AGTPBP1: variants seen among roughly 807,000 people sequenced by gnomAD.
The protein encoded by AGTPBP1 is ATP/GTP binding carboxypeptidase 1.
AGTPBP1 carries 70 observed loss-of-function variants against 143.9 expected under a neutral mutation model. The ratio of observed to expected loss-of-function variants is 0.49; its 90% CI spans 0.40 to 0.59. AGTPBP1 has a LOEUF of 0.59. Ranked by LOEUF, AGTPBP1 falls within the 20% of genes least tolerant of loss-of-function variation. AGTPBP1 has a pLI of 0.00. For synonymous variants in AGTPBP1, 463 were observed against 500.2 expected (o/e 0.93, Z 0.99); for missense variants, 1,229 against 1,464.5 (o/e 0.84, Z 2.62).
chr9:85,713,070 T>C (rs1373476933), intron 1 of AGTPBP1, among the ~76,000 whole-genome samples: 1 of 152,256 alleles, frequency 6.6e-6, no homozygotes, highest in Non-Finnish European at 1.5e-5. Context: ...AGACATTATA[T>C]ATGTTTAAAC....
chr9:85,758,220 G>A, the AGTPBP1 span, among the ~76,000 whole-genome samples: 12 of 152,106 alleles, frequency 7.9e-5, no homozygotes, highest in African/African-American at 2.9e-4. Flanking sequence ...TAAACTCAGA[G>A]ACATTAGAGA....
At chr9:85,738,156 C>T (rs1413397266) in intron 1 of AGTPBP1, among the ~76,000 whole-genome samples, 1 of 151,980 alleles carries the variant, frequency 6.6e-6, no homozygotes, top group Non-Finnish European at 1.5e-5. Context: ...TTATATTTCC[C>T]TTTTCATTTA....
At chr9:85,561,805 A>G (rs553053304) in intron 25 of AGTPBP1, among the ~76,000 whole-genome samples, 1 of 150,840 alleles carries the variant, frequency 6.6e-6, no homozygotes, top group South Asian at 2.1e-4. Context: ...AGAATCCTGT[A>G]TTGTCCAAAA....
intron 10 of AGTPBP1, among the ~76,000 whole-genome samples, chr9:85,655,818 G>A (rs1487991524): frequency 1.3e-5 from 2 of 151,672 alleles, no homozygotes; most frequent in Non-Finnish European, 3.0e-5. Flanking sequence ...CAATATAAAG[G>A]TTTTTTTGTT....
At chr9:85,733,161 C>A (rs1431880609) in intron 1 of AGTPBP1, among the ~76,000 whole-genome samples, 1 of 152,112 alleles carries the variant, frequency 6.6e-6, no homozygotes, top group Non-Finnish European at 1.5e-5. Context: ...ACAAGGTACT[C>A]AACAACAGAA....
the AGTPBP1 span, chr9:85,781,460 G>C: frequency 6.3e-5 from 83 of 1,314,576 alleles, no homozygotes; most frequent in Non-Finnish European, 7.4e-5. Context: ...CAATTGATTG[G>C]GTTATTTAGG....
chr9:85,684,387 A>G (rs1290375867), intron 3 of AGTPBP1, among the ~76,000 whole-genome samples: 2 of 152,140 alleles, frequency 1.3e-5, no homozygotes, highest in Non-Finnish European at 2.9e-5. Context: ...CCTTTCACCT[A>G]TGTTCTGAAT....
upstream of AGTPBP1, among the ~76,000 whole-genome samples, chr9:85,744,622 T>C (rs551655934): frequency 5.3e-5 from 8 of 152,306 alleles, no homozygotes; most frequent in East Asian, 1.5e-3. Flanking sequence ...CACAGTTGAA[T>C]GCAGGGGCTT....
intron 13 of AGTPBP1, among the ~76,000 whole-genome samples, chr9:85,638,105 C>T (rs760075138): frequency 1.7e-4 from 25 of 144,916 alleles, no homozygotes; most frequent in African/African-American, 6.5e-4. Flanking sequence ...TACTGCTTTG[C>T]TTTTTATGTT....
At chr9:85,770,474 T>C in the AGTPBP1 span, 5 of 1,558,682 alleles carry the variant, frequency 3.2e-6, no homozygotes, top group Middle Eastern at 3.3e-4. Flanking sequence ...GCTATTCTTT[T>C]CAGATATTTC....
At chr9:85,773,916 A>G in the AGTPBP1 span, 1 of 1,605,656 alleles carries the variant, frequency 6.2e-7, no homozygotes. Context: ...GGAACGGGAT[A>G]ATATGGTTCG....
intron 25 of AGTPBP1, among the ~76,000 whole-genome samples, chr9:85,555,770 A>C (rs1224975456): frequency 6.6e-6 from 1 of 152,114 alleles, no homozygotes; most frequent in Non-Finnish European, 1.5e-5. Context: ...ATAATATGAA[A>C]TTTTTCAAAT....
chr9:85,689,518 T>G (rs2134237029), intron 3 of AGTPBP1, among the ~76,000 whole-genome samples: 1 of 152,302 alleles, frequency 6.6e-6, no homozygotes, highest in East Asian at 1.9e-4. Flanking sequence ...GACATTTAGG[T>G]TGTTTCTTGA....
Position 85,646,375 on chromosome 9 carries a change from A to G in AGTPBP1, c.1131T>C (p.Asp377=), listed in dbSNP as rs1832808490. 6.2e-7 allele frequency: 1 copy of G among 1,613,082 alleles called. No homozygotes were observed. Among genetic ancestry groups the G allele is most frequent in the African/African-American group, 1.3e-5 (1 of 74,916 alleles). Residue 377 remains aspartate (D), a synonymous_variant, in exon 12 of 26, where the codon GAT becomes GAC. Transcript: ENST00000357081. ...VDESDDNDDI[D]VEAENETENE... The stretch of plus-strand genomic sequence containing the variant: ...TCTCAGTTTCGTTTTCAGCTTCTAC[A>G]TCAATATCATCGTTGTCATCACTTT...
intron 25 of AGTPBP1, among the ~76,000 whole-genome samples, chr9:85,557,182 C>T (rs1036260915): frequency 6.6e-6 from 1 of 152,178 alleles, no homozygotes; most frequent in Non-Finnish European, 1.5e-5. Flanking sequence ...ATAGCTAAGT[C>T]TTCCAGACTA....
the AGTPBP1 span, among the ~76,000 whole-genome samples, chr9:85,760,354 G>A: frequency 4.6e-5 from 7 of 152,170 alleles, no homozygotes; most frequent in South Asian, 1.2e-3. Flanking sequence ...GATGAACATC[G>A]ATGCAAAAAT....
chr9:85,600,235 G>A (rs537359591), intron 17 of AGTPBP1, among the ~76,000 whole-genome samples: 7 of 152,090 alleles, frequency 4.6e-5, no homozygotes, highest in African/African-American at 1.7e-4. Flanking sequence ...TATAAAATAA[G>A]TCTGCCTTCC....
At chr9:85,578,806 A>T in intron 24 of AGTPBP1, 114 bp downstream of exon 24, 1 of 1,057,442 alleles carries the variant, frequency 9.5e-7, no homozygotes, top group Non-Finnish European at 1.4e-6. Context: ...ATTACATATT[A>T]CATGTAACTC....
chr9:85,593,884 T>A (rs1829127943), intron 18 of AGTPBP1, among the ~76,000 whole-genome samples: 1 of 152,212 alleles, frequency 6.6e-6, no homozygotes. Flanking sequence ...AACAACTTAA[T>A]TTCTAAAATT....
Sources: gnomAD v4.1 joint callset for allele counts (sites outside exome capture counted in the v4.1 genomes callset) on GRCh38, gnomAD v4.1.1 for gene constraint, MANE v1.5 for transcripts, NCBI Gene and HGNC (gene_info 2026-07-23, HGNC 2026-07-21) for gene names.